Variants in FAM83B observed in about 807,000 individuals in gnomAD.
The protein encoded by FAM83B is protein FAM83B.
FAM83B carries 26 observed loss-of-function variants against 38.8 expected under a neutral mutation model. The observed-to-expected ratio is 0.67, with a 90% confidence interval of 0.49 to 0.93. FAM83B has a LOEUF of 0.93. Ranked by LOEUF, FAM83B falls within the 40% of genes least tolerant of loss-of-function variation. FAM83B has a pLI of 0.00. For missense variants in FAM83B, 1,237 were observed against 1,197.3 expected, an observed-to-expected ratio of 1.03 and a Z score of -0.49; for synonymous variants, 419 against 423.1, an observed-to-expected ratio of 0.99 and a Z score of 0.12.
chr6:54,865,314 T>C (rs950740795), intron 1 of FAM83B, among the ~76,000 whole-genome samples: 1 of 152,186 alleles, frequency 6.6e-6, no homozygotes, highest in Admixed American at 6.5e-5. Context: ...TCTGCCTCTG[T>C]AGTCACGTGC....
Position 54,868,205 on chromosome 6 carries a change from A to G in FAM83B, c.-60-1982A>G, listed in dbSNP as rs538728551. ...TGAGCAACTTTATGAAGATTTGTCA[A>G]CCTTGGCACTGTTGACATTTTGGGT... On this transcript the variant is annotated intron_variant, in intron 1 of 4. Coordinates refer to ENST00000306858, the MANE Select transcript of FAM83B (RefSeq NM_001010872.3). Among the ~76,000 whole-genome samples, 10 of 152,284 alleles carry G rather than the reference A, an allele frequency of 6.6e-5. No individual in the cohort carries two copies. The East Asian group carries it at 1.5e-3, about 24-fold the overall frequency.
At chr6:54,901,822 A>G (rs1480220864) in intron 2 of FAM83B, among the ~76,000 whole-genome samples, 1 of 152,140 alleles carries the variant, frequency 6.6e-6, no homozygotes. Context: ...TTATTTAGTG[A>G]CAGGTGTGTC....
At chr6:54,881,477 G>A (rs933675596) in intron 2 of FAM83B, among the ~76,000 whole-genome samples, 3 of 151,650 alleles carry the variant, frequency 2.0e-5, no homozygotes, top group African/African-American at 7.3e-5. Context: ...TCAAACACAG[G>A]CAATAAATAA....
At chr6:54,891,258 G>A (rs571993222) in intron 2 of FAM83B, among the ~76,000 whole-genome samples, 4 of 151,852 alleles carry the variant, frequency 2.6e-5, no homozygotes, top group South Asian at 2.1e-4. Context: ...GGCTACTGTC[G>A]TCCACATGAC....
At chr6:54,894,078 G>T (rs890534016) in intron 2 of FAM83B, among the ~76,000 whole-genome samples, 1 of 152,156 alleles carries the variant, frequency 6.6e-6, no homozygotes, top group African/African-American at 2.4e-5. Flanking sequence ...TTTCCACTAG[G>T]TCCTTTATAT....
intron 1 of FAM83B, among the ~76,000 whole-genome samples, chr6:54,857,182 A>C (rs1771464960): frequency 6.6e-6 from 1 of 152,198 alleles, no homozygotes; most frequent in African/African-American, 2.4e-5. Context: ...TGTTAAATGT[A>C]TTTGGGAAGC....
chr6:54,927,794 C>CAGACTCTAATCTA (rs1773337054), intron 4 of FAM83B, among the ~76,000 whole-genome samples, 162 bp downstream of exon 4: 1 of 143,990 alleles, frequency 6.9e-6, no homozygotes, highest in Non-Finnish European at 1.5e-5. Context: ...AGGTTTGAGT[C>CAGACTCTAATCTA]ATGAGTCTGC....
rs1349280065 is a variant in FAM83B, at chr6:54,911,862, T to TA, written c.445-14507dup. ...GCTGATCACAATAGATACATCTTTT[T>TA]AATATTATTTGTGTCCTTATGTATG... On this transcript the variant is annotated intron_variant, in intron 2 of 4. Transcript: ENST00000306858. Among the ~76,000 whole-genome samples the TA allele has an allele frequency of 2.0e-5, 3 of 152,272 alleles. No individual in the cohort carries two copies. The East Asian group carries it at 5.8e-4, about 29-fold the overall frequency.
At chr6:54,863,627 C>T (rs1205144046) in intron 1 of FAM83B, among the ~76,000 whole-genome samples, 2 of 152,130 alleles carry the variant, frequency 1.3e-5, no homozygotes, top group Non-Finnish European at 2.9e-5. Flanking sequence ...ACTAAAAGTT[C>T]CAATTTTTCA....
chr6:54,850,033 G>A (rs1771235818), intron 1 of FAM83B, among the ~76,000 whole-genome samples: 1 of 152,186 alleles, frequency 6.6e-6, no homozygotes, highest in Non-Finnish European at 1.5e-5. Flanking sequence ...CAAGCAATAT[G>A]TTCCTCTCCA....
intron 1 of FAM83B, among the ~76,000 whole-genome samples, chr6:54,862,319 G>A (rs944446640): frequency 1.2e-4 from 18 of 152,164 alleles, no homozygotes; most frequent in African/African-American, 3.9e-4. Flanking sequence ...AGGAGGAGGG[G>A]AACAAAAGGA....
At chr6:54,933,185 A>G (rs1773460675) in intron 4 of FAM83B, among the ~76,000 whole-genome samples, 1 of 150,226 alleles carries the variant, frequency 6.7e-6, no homozygotes, top group Non-Finnish European at 1.5e-5. Context: ...TATATCCATG[A>G]CCTGTCTTCA....
chr6:54,856,819 G>A (rs6911198), intron 1 of FAM83B, among the ~76,000 whole-genome samples: 69,467 of 151,854 alleles, frequency 0.46, 16,452 homozygotes, highest in Non-Finnish European at 0.51. Context: ...GGAAATGACT[G>A]ATAAAGAATT....
Position 54,870,585 on chromosome 6 carries a change from C to T in FAM83B, c.339C>T (p.Pro113=), listed in dbSNP as rs73742854. 5.4e-3 allele frequency: 8,791 copies of T among 1,613,836 alleles called. 378 individuals are homozygous for T. In the African/African-American group the frequency reaches 0.09, roughly 16 times the overall value. Residue 113 remains proline, a synonymous_variant, in exon 2 of 5, where the codon CCC becomes CCT. Transcript: ENST00000306858. ...NLDLGWPYVM[P]GLLGGTHIDL... is the part of the protein sequence containing the mutation. ...ACTTAGGCTGGCCATATGTGATGCCCGGACTCTTAGGGGGCACCCATATAG... is the reference window on the plus strand; with the variant it reads ...ACTTAGGCTGGCCATATGTGATGCCTGGACTCTTAGGGGGCACCCATATAG...
chr6:54,881,724 T>C (rs1772136001), intron 2 of FAM83B, among the ~76,000 whole-genome samples: 1 of 152,206 alleles, frequency 6.6e-6, no homozygotes, highest in African/African-American at 2.4e-5. Flanking sequence ...CCATAAGGAC[T>C]GACAGCACTC....
chr6:54,938,172 C>A (rs2127591060), intron 4 of FAM83B, among the ~76,000 whole-genome samples: 1 of 152,238 alleles, frequency 6.6e-6, no homozygotes, highest in African/African-American at 2.4e-5. Context: ...TCTCCAGTTC[C>A]ATCCAGGTTG....
At chr6:54,897,027 A>G (rs1297877087) in intron 2 of FAM83B, among the ~76,000 whole-genome samples, 1 of 152,174 alleles carries the variant, frequency 6.6e-6, no homozygotes, top group East Asian at 1.9e-4. Flanking sequence ...TCCTGTTAGT[A>G]TTTAGCTAGA....
At chr6:54,936,659 G>T (rs1474554310) in intron 4 of FAM83B, among the ~76,000 whole-genome samples, 1 of 150,988 alleles carries the variant, frequency 6.6e-6, no homozygotes, top group Non-Finnish European at 1.5e-5. Flanking sequence ...ACTAGAACAT[G>T]ACCCTTATTG....
At chr6:54,928,006 TTAAG>T (rs1485462982) in intron 4 of FAM83B, among the ~76,000 whole-genome samples, 1 of 152,202 alleles carries the variant, frequency 6.6e-6, no homozygotes, top group African/African-American at 2.4e-5. Context: ...ATTTACCACT[TTAAG>T]TAATCTGGTA....
Sources: gnomAD v4.1 joint callset for allele counts (sites outside exome capture counted in the v4.1 genomes callset) on GRCh38, gnomAD v4.1.1 for gene constraint, MANE v1.5 for transcripts, NCBI Gene and HGNC (gene_info 2026-07-23, HGNC 2026-07-21) for gene names.